Variants in ACSBG2 observed in about 807,000 individuals in gnomAD.
ACSBG2 encodes the protein acyl-CoA synthetase bubblegum family member 2, also known as long-chain-fatty-acid--CoA ligase ACSBG2.
ACSBG2 carries 62 observed loss-of-function variants against 74.7 expected under a neutral mutation model. That is an observed-to-expected ratio of 0.83 (90% CI 0.68 to 1.03). The LOEUF (loss-of-function observed/expected upper bound fraction) is 1.03. Ranked by LOEUF, ACSBG2 falls within the 50% of genes least tolerant of loss-of-function variation. The pLI is 0.00. For missense variants in ACSBG2, 730 were observed against 817.6 expected, an observed-to-expected ratio of 0.89 and a Z score of 1.31; for synonymous variants, 309 against 294.1, an observed-to-expected ratio of 1.05 and a Z score of -0.52.
intron 11 of ACSBG2, among the ~76,000 whole-genome samples, chr19:6,186,109 A>C (rs1321899809): frequency 6.7e-6 from 1 of 149,372 alleles, no homozygotes; most frequent in Non-Finnish European, 1.5e-5. Context: ...AATGGGCTTG[A>C]GTAAAAAAGT....
chr19:6,137,616 T>TTTTA lies in ACSBG2; in HGVS notation c.-32+1721_-32+1724dup, dbSNP rs539933351. 9.7e-3 allele frequency among the ~76,000 whole-genome samples: 1,473 copies of TTTTA among 152,086 alleles called. 4 individuals carry two copies. Among genetic ancestry groups the TTTTA allele is most frequent in the Middle Eastern group, 0.044 (13 of 294 alleles). Reference sequence around the variant, plus strand: ...TTGGGCCAGCATTTCACTTTTTTATTTTTATTTATTTATTTATGTATTTAT... The same window carrying TTTTA: ...TTGGGCCAGCATTTCACTTTTTTATTTTTATTTATTTATTTATTTATGTATTTAT... On this transcript the variant is annotated intron_variant, in intron 1 of 14. Transcript: ENST00000588485.
At chr19:6,140,717 A>G (rs2088792681) in intron 1 of ACSBG2, among the ~76,000 whole-genome samples, 2 of 152,188 alleles carry the variant, frequency 1.3e-5, no homozygotes, top group Admixed American at 1.3e-4. Flanking sequence ...AGTGTTTTCG[A>G]AAGAGGTGGC....
intron 2 of ACSBG2, among the ~76,000 whole-genome samples, chr19:6,141,957 C>T (rs2088858420): frequency 6.6e-6 from 1 of 152,150 alleles, no homozygotes; most frequent in African/African-American, 2.4e-5. Flanking sequence ...TCTTGAACTC[C>T]TGGGCTCTAG....
In ACSBG2 at chr19:6,182,734, A is replaced by G; in HGVS notation, c.907-17A>G. ...CGGAAGGCCCTGCTGTGGCTAACCT[A>G]GCTTCGTTCCATACAGGGCACCTTG... On this transcript the variant is annotated splice_polypyrimidine_tract_variant and intron_variant, in intron 8 of 14. Coordinates refer to ENST00000588485, the MANE Select transcript of ACSBG2 (RefSeq NM_030924.5). 1 of 1,611,602 alleles carries G rather than the reference A, an allele frequency of 6.2e-7. No homozygotes were observed. The highest frequency in any genetic ancestry group is 1.1e-5 in the South Asian group (1 of 90,834).
chr19:6,184,910 TTTTTTGTTTTTG>T (rs146001786), intron 10 of ACSBG2, among the ~76,000 whole-genome samples: 2,366 of 147,628 alleles, frequency 0.016, 46 homozygotes, highest in African/African-American at 0.041. Context: ...TTTTCTTTCA[TTTTTTGTTTTTG>T]TTTTTGTTTT....
Position 6,156,553 on chromosome 19 carries a change from T to G in ACSBG2, c.507+2T>G, listed in dbSNP as rs2089426670. The G allele has an allele frequency of 3.2e-6, 5 of 1,572,152 alleles. No homozygotes were observed. The highest frequency in any genetic ancestry group is 4.3e-6 in the Non-Finnish European group (5 of 1,156,532). ...CAACAGTTACAGAAAATCCTTTCGG[T>G]AAACCCCTACCCAGCACTGCCTGCC... is the stretch of plus-strand genomic sequence containing the variant. On this transcript the variant is annotated splice_donor_variant, in intron 5 of 14. Coordinates refer to ENST00000588485, the MANE Select transcript of ACSBG2 (RefSeq NM_030924.5). LOFTEE classifies it high-confidence loss of function.
At chr19:6,178,091 G>A (rs2090139558) in intron 8 of ACSBG2, among the ~76,000 whole-genome samples, 1 of 151,960 alleles carries the variant, frequency 6.6e-6, no homozygotes, top group Non-Finnish European at 1.5e-5. Flanking sequence ...TACCCTTTAA[G>A]TATTATCTTT....
chr19:6,156,420 T>C lies in ACSBG2; in HGVS notation c.387-11T>C. 6.3e-7 allele frequency: 1 copy of C among 1,587,306 alleles called. No homozygotes were observed. The highest frequency in any genetic ancestry group is 8.5e-7 in the Non-Finnish European group (1 of 1,169,668). On this transcript the variant is annotated splice_polypyrimidine_tract_variant and intron_variant, in intron 4 of 14. Transcript: ENST00000588485. Reference sequence around the variant, plus strand: ...TGTGGATGCACACACGAATTTGTTTTCTTTTCCCAGGGGTCTTTGTGTTGG... The same window carrying C: ...TGTGGATGCACACACGAATTTGTTTCCTTTTCCCAGGGGTCTTTGTGTTGG...
chr19:6,179,328 C>T (rs986676272), intron 8 of ACSBG2, among the ~76,000 whole-genome samples: 8 of 124,952 alleles, frequency 6.4e-5, no homozygotes, highest in African/African-American at 2.1e-4. Context: ...GAGACAAGGT[C>T]GTGCTCTGTT....
At chr19:6,190,070 T>A (rs1463906706) in intron 13 of ACSBG2, 2 of 155,926 alleles carry the variant, frequency 1.3e-5, no homozygotes, top group African/African-American at 4.9e-5. Context: ...GGTGGTCTTC[T>A]CATCTATAAG....
chr19:6,187,947 A>G (rs57960650), intron 13 of ACSBG2, 102 bp downstream of exon 13: 68,839 of 1,518,974 alleles, frequency 0.045, 2,705 homozygotes, highest in African/African-American at 0.2. Flanking sequence ...GGGTCTATGA[A>G]ACCAGCCAGG....
Position 6,135,686 on chromosome 19 carries a change from T to C in ACSBG2, c.-255T>C, listed in dbSNP as rs1202211653. The C allele has an allele frequency of 6.6e-6, 1 of 152,234 alleles. No homozygotes were observed. The highest frequency in any genetic ancestry group is 1.5e-5 in the Non-Finnish European group (1 of 68,122). 9.4% of individuals were successfully genotyped at this position (152,234 alleles called of 1,614,324 possible). A position where few individuals can be genotyped will look rare whatever the true frequency, so the allele number is the denominator to read the frequency against. ...AAGGTTGAATGGGGTAGAAGGCCTG[T>C]TGTGGAGGGAAACCACCCATCCTCC... On this transcript the variant is annotated 5_prime_UTR_variant, in exon 1 of 15. Coordinates refer to ENST00000588485, the MANE Select transcript of ACSBG2 (RefSeq NM_030924.5).
Position 6,185,571 on chromosome 19 carries a change from C to T in ACSBG2, c.1458C>T (p.Ile486=), listed in dbSNP as rs752635667. The T allele has an allele frequency of 3.7e-6, 6 of 1,614,004 alleles. No homozygotes were observed. The highest frequency in any genetic ancestry group is 1.7e-5 in the Admixed American group (1 of 59,994). The part of the protein sequence containing the change: ...LESETETTEA[I]DDEGWLHSGD... ...GTGAGACTGAAACTACAGAGGCCAT[C>T]GATGATGAAGGCTGGCTACACTCTG... The change falls in exon 11 of 15, where the codon ATC becomes ATT. Residue 486 remains isoleucine (I), a synonymous_variant. Coordinates refer to ENST00000588485, the MANE Select transcript of ACSBG2 (RefSeq NM_030924.5).
intron 8 of ACSBG2, among the ~76,000 whole-genome samples, chr19:6,179,757 C>T (rs1316315716): frequency 2.0e-5 from 3 of 152,064 alleles, no homozygotes; most frequent in African/African-American, 7.2e-5. Flanking sequence ...GGATTACAGG[C>T]GTGCACCACC....
chr19:6,154,511 T>A (rs1017971451), intron 4 of ACSBG2, among the ~76,000 whole-genome samples: 4 of 147,488 alleles, frequency 2.7e-5, no homozygotes, highest in African/African-American at 9.9e-5. Flanking sequence ...TATAATATAT[T>A]ATATTATCTA....
At chr19:6,160,405 G>A (rs58060764) in intron 5 of ACSBG2, among the ~76,000 whole-genome samples, 88,481 of 134,118 alleles carry the variant, frequency 0.66, 28,689 homozygotes, top group Admixed American at 0.7. Flanking sequence ...AAAAAAAAAA[G>A]AAAGAAAGAA....
At chr19:6,162,370 T>C (rs1409605073) in intron 6 of ACSBG2, among the ~76,000 whole-genome samples, 1 of 148,700 alleles carries the variant, frequency 6.7e-6, no homozygotes, top group South Asian at 2.2e-4. Flanking sequence ...ATCGAGACCA[T>C]CCTGGCTAAC....
Position 6,141,503 on chromosome 19 carries a change from TGC to T in ACSBG2, c.-31-9_-31-8del, listed in dbSNP as rs1599985419. ...AATCCTGTTAAACTCCCTGCTTTTT[TGC>T]TTTGCAGTGCTGTGGAGCATGGTTT... On this transcript the variant is annotated splice_region_variant and splice_polypyrimidine_tract_variant and intron_variant, in intron 1 of 14. Transcript: ENST00000588485. The T allele has an allele frequency of 9.2e-6, 13 of 1,411,100 alleles. No individual in the cohort carries two copies. The highest frequency in any genetic ancestry group is 6.7e-5 in the Admixed American group (4 of 59,536). The allele number at this position is 1,411,100 out of a possible 1,614,324, so 87.4% of individuals were successfully genotyped here.
chr19:6,142,222 T>C (rs1391994795), intron 2 of ACSBG2, among the ~76,000 whole-genome samples: 3 of 152,110 alleles, frequency 2.0e-5, no homozygotes, highest in Non-Finnish European at 4.4e-5. Context: ...CCCGAGTGGA[T>C]AAAGTACCCA....
Sources: gnomAD v4.1 joint callset for allele counts (sites outside exome capture counted in the v4.1 genomes callset) on GRCh38, gnomAD v4.1.1 for gene constraint, MANE v1.5 for transcripts, NCBI Gene and HGNC (gene_info 2026-07-23, HGNC 2026-07-21) for gene names.